ARHGEF38: variants seen among roughly 807,000 people sequenced by gnomAD.
ARHGEF38 encodes the protein Rho guanine nucleotide exchange factor (GEF) 38.
In ARHGEF38, 79 loss-of-function variants were observed where a neutral mutation model predicts 79.9. That is an observed-to-expected ratio of 0.99 (90% CI 0.82 to 1.19). The LOEUF (loss-of-function observed/expected upper bound fraction) is 1.19, where lower values mean the gene tolerates loss of function less well. ARHGEF38 is among the 50% of genes most tolerant of loss of function. ARHGEF38 has a pLI of 0.00. For synonymous variants in ARHGEF38, 366 were observed against 328.3 expected (o/e 1.11, Z -1.24); for missense variants, 962 against 907.2 (o/e 1.06, Z -0.78).
chr4:105,603,818 G>T (rs780816200), intron 2 of ARHGEF38, among the ~76,000 whole-genome samples: 1 of 152,056 alleles, frequency 6.6e-6, no homozygotes, highest in Non-Finnish European at 1.5e-5. Flanking sequence ...AGCTCCTTTA[G>T]GTTTCTCAGG....
chr4:105,590,074 AGAAGGAAG>A (rs70941203), intron 2 of ARHGEF38, among the ~76,000 whole-genome samples: 12,482 of 109,360 alleles, frequency 0.11, 815 homozygotes, highest in East Asian at 0.18. Flanking sequence ...AAAGAAAGAA[AGAAGGAAG>A]GAAGGAAGGA....
chr4:105,607,390 C>T (rs905836863), intron 2 of ARHGEF38, among the ~76,000 whole-genome samples: 1 of 152,070 alleles, frequency 6.6e-6, no homozygotes, highest in Non-Finnish European at 1.5e-5. Context: ...TCATTTTTGA[C>T]TCCTACAAGA....
intron 5 of ARHGEF38, among the ~76,000 whole-genome samples, chr4:105,642,102 T>A (rs1729642488): frequency 6.6e-6 from 1 of 152,182 alleles, no homozygotes; most frequent in African/African-American, 2.4e-5. Flanking sequence ...CACATAGGAC[T>A]CATCTGCCTC....
intron 1 of ARHGEF38, among the ~76,000 whole-genome samples, chr4:105,581,360 A>G (rs1726783143): frequency 6.6e-6 from 1 of 152,136 alleles, no homozygotes; most frequent in Non-Finnish European, 1.5e-5. Context: ...AGCTTTGAGC[A>G]CTTCAAATAA....
intron 2 of ARHGEF38, among the ~76,000 whole-genome samples, chr4:105,596,574 T>C (rs892724198): frequency 2.0e-5 from 3 of 152,200 alleles, no homozygotes; most frequent in Admixed American, 1.3e-4. Context: ...TTATATATAA[T>C]AAAGAGATAG....
intron 1 of ARHGEF38, among the ~76,000 whole-genome samples, chr4:105,583,312 G>A (rs1726882960): frequency 6.6e-6 from 1 of 152,102 alleles, no homozygotes; most frequent in Admixed American, 6.6e-5. Context: ...ATGTTTAAAT[G>A]TTTAAAATAC....
chr4:105,625,912 C>T (rs190819438), intron 3 of ARHGEF38, among the ~76,000 whole-genome samples: 62 of 152,202 alleles, frequency 4.1e-4, no homozygotes, highest in African/African-American at 1.4e-3. Flanking sequence ...TGTGGCTATG[C>T]CTTCTCAGGC....
chr4:105,635,486 T>G (rs1319462597), intron 4 of ARHGEF38, among the ~76,000 whole-genome samples: 1 of 152,106 alleles, frequency 6.6e-6, no homozygotes, highest in African/African-American at 2.4e-5. Context: ...GTTAAAAGAA[T>G]AACCTTCTCT....
chr4:105,681,685 G>C (rs1282432811), downstream of ARHGEF38, among the ~76,000 whole-genome samples: 1 of 152,020 alleles, frequency 6.6e-6, no homozygotes, highest in African/African-American at 2.4e-5. Context: ...TGCAATGCTC[G>C]GCTTATAGAG....
intron 2 of ARHGEF38, among the ~76,000 whole-genome samples, chr4:105,600,774 C>T (rs953570309): frequency 1.3e-5 from 2 of 152,178 alleles, no homozygotes; most frequent in Admixed American, 6.6e-5. Flanking sequence ...TGTATTCTAT[C>T]TCATCTCAGA....
At chr4:105,635,843 G>A (rs146880642) in intron 4 of ARHGEF38, among the ~76,000 whole-genome samples, 13 of 152,070 alleles carry the variant, frequency 8.5e-5, no homozygotes, top group African/African-American at 3.1e-4. Flanking sequence ...CATCTAATAG[G>A]TCTTAGACTA....
chr4:105,605,204 C>T (rs923226036), intron 2 of ARHGEF38, among the ~76,000 whole-genome samples: 4 of 152,046 alleles, frequency 2.6e-5, no homozygotes, highest in African/African-American at 9.7e-5. Context: ...AACTATTTAC[C>T]TTTTACTCAA....
At chr4:105,596,017 TAA>T (rs1325935206) in intron 2 of ARHGEF38, among the ~76,000 whole-genome samples, 3 of 152,186 alleles carry the variant, frequency 2.0e-5, no homozygotes, top group Non-Finnish European at 4.4e-5. Flanking sequence ...ATTGAAAATT[TAA>T]AAAAACTTAT....
intron 3 of ARHGEF38, among the ~76,000 whole-genome samples, chr4:105,622,128 G>C (rs868172441): frequency 2.0e-5 from 3 of 152,180 alleles, no homozygotes; most frequent in African/African-American, 4.8e-5. Flanking sequence ...ATAAAATAAA[G>C]GTGGCTTAGT....
chr4:105,658,287 T>C (rs1387517791), intron 9 of ARHGEF38, among the ~76,000 whole-genome samples: 1 of 152,072 alleles, frequency 6.6e-6, no homozygotes, highest in African/African-American at 2.4e-5. Context: ...TACATTCCTG[T>C]AGTCCTAGCT....
At chr4:105,620,537 AT>A (rs1728696436) in intron 3 of ARHGEF38, among the ~76,000 whole-genome samples, 1 of 152,058 alleles carries the variant, frequency 6.6e-6, no homozygotes, top group African/African-American at 2.4e-5. Context: ...AAAATGCCTG[AT>A]TTTTTCTGTA....
chr4:105,613,290 C>A lies in ARHGEF38; in HGVS notation c.385-94C>A, dbSNP rs575470521. 2.6e-5 allele frequency: 36 copies of A among 1,387,792 alleles called. No individual in the cohort carries two copies. In the East Asian group the frequency reaches 8.6e-4, roughly 33 times the overall value. The allele number at this position is 1,387,792 out of a possible 1,614,324, so 86.0% of individuals were successfully genotyped here. A position where few individuals can be genotyped will look rare whatever the true frequency, so the allele number is the denominator to read the frequency against. ...TAACAGAAATGGTTAATGGAGACAG[C>A]ATGCGCTGGCATTTAAAATGCTTAC... On this transcript the variant is annotated intron_variant, in intron 2 of 13. Coordinates refer to ENST00000420470, the MANE Select transcript of ARHGEF38 (RefSeq NM_001242729.2).
At chr4:105,617,328 G>A (rs148380132) in intron 3 of ARHGEF38, among the ~76,000 whole-genome samples, 44 of 152,250 alleles carry the variant, frequency 2.9e-4, no homozygotes, top group Non-Finnish European at 4.9e-4. Context: ...TAGAGCAGAC[G>A]TGTAGTTGAA....
At chr4:105,669,122 C>T (rs1413440853) in intron 13 of ARHGEF38, among the ~76,000 whole-genome samples, 3 of 152,116 alleles carry the variant, frequency 2.0e-5, no homozygotes, top group Non-Finnish European at 4.4e-5. Flanking sequence ...AGAGACAATG[C>T]TTGGGTATAT....
Sources: allele counts gnomAD v4.1 joint callset (sites outside exome capture counted in the v4.1 genomes callset), GRCh38; gene constraint gnomAD v4.1.1; transcripts MANE v1.5; gene names NCBI Gene and HGNC (gene_info 2026-07-23, HGNC 2026-07-21).